The following USP12 variants were observed in gnomAD, a reference collection of about 807,000 sequenced individuals.
The protein encoded by USP12 is ubiquitin specific peptidase 12.
A neutral mutation model predicts 45.5 loss-of-function variants in USP12; 19 were observed. The ratio of observed to expected loss-of-function variants is 0.42; its 90% CI spans 0.29 to 0.61. The LOEUF (loss-of-function observed/expected upper bound fraction) is 0.61, where lower values mean the gene tolerates loss of function less well. Among genes scored for constraint, USP12 ranks in the 20% least tolerant of loss-of-function variants. USP12 has a pLI of 0.22. For missense variants in USP12, 242 were observed against 447.7 expected (o/e 0.54, Z 4.15); for synonymous variants, 149 against 148.8 (o/e 1.00, Z -0.01).
At chr13:27,167,815 G>A (rs1053103071) in intron 1 of USP12, among the ~76,000 whole-genome samples, 2 of 152,006 alleles carry the variant, frequency 1.3e-5, no homozygotes, top group African/African-American at 4.8e-5. Context: ...TCCCAACAAC[G>A]CATGGGCTCT....
intron 7 of USP12, 129 bp from the exon 8 acceptor site, chr13:27,071,278 C>T (rs566239914): frequency 8.4e-6 from 6 of 710,924 alleles, no homozygotes; most frequent in African/African-American, 1.8e-5. Flanking sequence ...CTTTTTTATA[C>T]CCCTTACCTA....
chr13:27,123,811 G>A (rs1049009322), intron 1 of USP12, among the ~76,000 whole-genome samples: 2 of 152,090 alleles, frequency 1.3e-5, no homozygotes, highest in African/African-American at 4.8e-5. Flanking sequence ...AAATTACCCA[G>A]TCTCAGGTAT....
At position 27,069,158 on chromosome 13, in the gene USP12, C is replaced by T. The variant is rs1283820373; in HGVS notation, c.*125G>A. 1.2e-5 allele frequency: 9 copies of T among 749,790 alleles called. No homozygotes were observed. In the East Asian group the frequency reaches 1.8e-4, roughly 15 times the overall value. The allele number at this position is 749,790 out of a possible 1,614,324, so 46.4% of individuals were successfully genotyped here. A position where few individuals can be genotyped will look rare whatever the true frequency, so the allele number is the denominator to read the frequency against. Reference sequence around the variant, plus strand: ...TCCATCGTCTTTGCTTTATCGTGTGCAAAGTGTGCTACTGCCCCCTGAGCT... The same window carrying T: ...TCCATCGTCTTTGCTTTATCGTGTGTAAAGTGTGCTACTGCCCCCTGAGCT... On this transcript the variant is annotated 3_prime_UTR_variant, in exon 9 of 9. Coordinates refer to ENST00000282344, the MANE Select transcript of USP12 (RefSeq NM_182488.4).
chr13:27,086,174 TAAAAAAAA>T (rs138475761), intron 6 of USP12, among the ~76,000 whole-genome samples: 93 of 72,310 alleles, frequency 1.3e-3, no homozygotes, highest in African/African-American at 1.8e-3. Context: ...TTTGTCTCTT[TAAAAAAAA>T]AAAAAAAAAA....
intron 3 of USP12, among the ~76,000 whole-genome samples, chr13:27,099,524 T>C (rs1239809216): frequency 6.6e-6 from 1 of 152,202 alleles, no homozygotes; most frequent in African/African-American, 2.4e-5. Context: ...TCCATTTCCA[T>C]TTAAATCTAC....
At chr13:27,093,981 A>G (rs990696876) in intron 4 of USP12, among the ~76,000 whole-genome samples, 5 of 152,168 alleles carry the variant, frequency 3.3e-5, no homozygotes, top group Admixed American at 6.5e-5. Context: ...AAAAGGCAAA[A>G]CTATGGAGAC....
intron 6 of USP12, among the ~76,000 whole-genome samples, chr13:27,086,193 A>ATAT (rs1333218859): frequency 1.5e-3 from 103 of 66,880 alleles, no homozygotes; most frequent in Middle Eastern, 9.4e-3. Flanking sequence ...AAAAAAAAAA[A>ATAT]AAAAATATAT....
chr13:27,162,066 G>A (rs1878134577), intron 1 of USP12, among the ~76,000 whole-genome samples: 1 of 152,106 alleles, frequency 6.6e-6, no homozygotes, highest in Admixed American at 6.5e-5. Context: ...AACTCCTACA[G>A]TCCACAGTAT....
At chr13:27,103,745 CAA>C (rs1225480806) in intron 3 of USP12, among the ~76,000 whole-genome samples, 15 of 58,068 alleles carry the variant, frequency 2.6e-4, no homozygotes, top group South Asian at 1.2e-3. Context: ...CCATCTCTAC[CAA>C]AAAAAAAAAA....
intron 7 of USP12, among the ~76,000 whole-genome samples, chr13:27,074,893 C>T (rs1161828102): frequency 5.9e-5 from 9 of 152,068 alleles, no homozygotes; most frequent in South Asian, 2.1e-4. Context: ...ACCAACAACC[C>T]TCTATACACA....
intron 1 of USP12, 31 bp from the exon 2 acceptor site, chr13:27,116,627 T>G (rs1282947359): frequency 6.2e-7 from 1 of 1,602,344 alleles, no homozygotes; most frequent in South Asian, 1.1e-5. Context: ...ATCTTAGTAT[T>G]TATAGTAGTC....
intron 1 of USP12, among the ~76,000 whole-genome samples, chr13:27,157,545 T>C (rs905805533): frequency 2.6e-5 from 4 of 152,294 alleles, no homozygotes; most frequent in African/African-American, 9.6e-5. Flanking sequence ...AAAAAAAATA[T>C]AAGTTTATAG....
At position 27,110,127 on chromosome 13, in the gene USP12, T is replaced by TTAAAAAAAAAAAAAA. The variant is rs9319342; in HGVS notation, c.130-4184_130-4183insTTTTTTTTTTTTTTA. Reference sequence around the variant, plus strand: ...GATGACTAGGATTTCCTTTTCCAGGTAAAAAAAAAAAAAAAAAAAGGATAA... The same window carrying TTAAAAAAAAAAAAAA: ...GATGACTAGGATTTCCTTTTCCAGGTTAAAAAAAAAAAAAAAAAAAAAAAAAAAAAAAAAGGATAA... On this transcript the variant is annotated intron_variant, in intron 2 of 8. Transcript: ENST00000282344. 5.9e-5 allele frequency among the ~76,000 whole-genome samples: 7 copies of TTAAAAAAAAAAAAAA among 119,618 alleles called. 3 individuals carry two copies. Among genetic ancestry groups the TTAAAAAAAAAAAAAA allele is most frequent in the Non-Finnish European group, 3.3e-5 (2 of 60,332 alleles). The allele number at this position is 119,618 out of a possible 152,430, so 78.5% of individuals were successfully genotyped here.
intron 6 of USP12, among the ~76,000 whole-genome samples, chr13:27,081,505 T>C (rs1873758317): frequency 6.6e-6 from 1 of 152,214 alleles, no homozygotes; most frequent in Non-Finnish European, 1.5e-5. Context: ...CCACTGAAGT[T>C]CGAATCCCTC....
chr13:27,171,672 G>T lies in USP12; in HGVS notation c.-33C>A. The T allele has an allele frequency of 8.3e-7, 1 of 1,202,128 alleles. No homozygotes were observed. Among genetic ancestry groups the T allele is most frequent in the Non-Finnish European group, 1.1e-6 (1 of 935,258 alleles). The allele number at this position is 1,202,128 out of a possible 1,614,324, so 74.5% of individuals were successfully genotyped here. On this transcript the variant is annotated 5_prime_UTR_variant, in exon 1 of 9. Coordinates refer to ENST00000282344, the MANE Select transcript of USP12 (RefSeq NM_182488.4). ...GCGCCATCTTCCACCCAATCACAGCGGCGGCGGCGGGCGGGGGAGGAGGGG... is the reference window on the plus strand; with the variant it reads ...GCGCCATCTTCCACCCAATCACAGCTGCGGCGGCGGGCGGGGGAGGAGGGG...
At position 27,069,199 on chromosome 13, in the gene USP12, T is replaced by G; in HGVS notation, c.*84A>C. 1 of 1,223,606 alleles carries G rather than the reference T, an allele frequency of 8.2e-7. No homozygotes were observed. The highest frequency in any genetic ancestry group is 1.2e-6 in the Non-Finnish European group (1 of 838,140). The allele number at this position is 1,223,606 out of a possible 1,614,324, so 75.8% of individuals were successfully genotyped here. On this transcript the variant is annotated 3_prime_UTR_variant, in exon 9 of 9. Transcript: ENST00000282344. ...CCCCTGAGCTTCCTGCATTTCTCTT[T>G]TCTTGAAAAATCAGTGCTTGATCCT...
intron 3 of USP12, among the ~76,000 whole-genome samples, chr13:27,103,041 G>A (rs1034853537): frequency 6.6e-6 from 1 of 152,190 alleles, no homozygotes; most frequent in African/African-American, 2.4e-5. Flanking sequence ...TTAATAAATA[G>A]AAATTAAAAT....
intron 7 of USP12, 95 bp from the exon 8 acceptor site, chr13:27,071,244 A>C: frequency 9.4e-7 from 1 of 1,068,954 alleles, no homozygotes; most frequent in Non-Finnish European, 1.3e-6. Context: ...GAAACAGATA[A>C]ATAGCAGTAA....
At chr13:27,152,831 A>G (rs543925872) in intron 1 of USP12, among the ~76,000 whole-genome samples, 17 of 151,700 alleles carry the variant, frequency 1.1e-4, no homozygotes, top group Non-Finnish European at 2.4e-4. Flanking sequence ...AGTCCCAGCT[A>G]CTCAGGAGGC....
Sources: gnomAD v4.1 joint callset for allele counts (sites outside exome capture counted in the v4.1 genomes callset) on GRCh38, gnomAD v4.1.1 for gene constraint, MANE v1.5 for transcripts, NCBI Gene and HGNC (gene_info 2026-07-23, HGNC 2026-07-21) for gene names.